Variants in TTC21B observed in about 807,000 individuals in gnomAD.
TTC21B encodes tetratricopeptide repeat domain 21B, also known as tetratricopeptide repeat protein 21B.
A neutral mutation model predicts 175.1 loss-of-function variants in TTC21B; 127 were observed. That is an observed-to-expected ratio of 0.73 (90% CI 0.63 to 0.84). The LOEUF (loss-of-function observed/expected upper bound fraction) is 0.84, where lower values mean the gene tolerates loss of function less well. Ranked by LOEUF, TTC21B falls within the 40% of genes least tolerant of loss-of-function variation. The pLI is 0.00. For missense variants in TTC21B, 1,561 were observed against 1,558.3 expected (o/e 1.00, Z -0.03); for synonymous variants, 524 against 524.5 (o/e 1.00, Z 0.01).
At position 165,937,448 on chromosome 2, in the gene TTC21B, C is replaced by T. The variant is rs76504417; in HGVS notation, c.710+3579G>A. Among the ~76,000 whole-genome samples, 1,482 of 152,094 alleles carry T rather than the reference C, an allele frequency of 9.7e-3. 28 individuals are homozygous for T. Among genetic ancestry groups the T allele is most frequent in the African/African-American group, 0.034 (1,423 of 41,520 alleles). Reference sequence around the variant, plus strand: ...TGTAATATAAATGACGGACTTTGGGCGCCTATAGTGTAAGTTCATCCACTG... The same window carrying T: ...TGTAATATAAATGACGGACTTTGGGTGCCTATAGTGTAAGTTCATCCACTG... On this transcript the variant is annotated intron_variant, in intron 6 of 28. Transcript: ENST00000243344.
chr2:165,913,561 T>C lies in TTC21B; in HGVS notation c.2211+13A>G, dbSNP rs73969727. On this transcript the variant is annotated intron_variant, in intron 16 of 28. Transcript: ENST00000243344. ...TTTTTAAAAATGCAGTTCAGTAACATCAGAAATTTTACCTCTAGAATATTC... is the reference window on the plus strand; with the variant it reads ...TTTTTAAAAATGCAGTTCAGTAACACCAGAAATTTTACCTCTAGAATATTC... 7.1e-3 allele frequency: 11,186 copies of C among 1,585,854 alleles called. 644 individuals are homozygous for C. In the African/African-American group the frequency reaches 0.13, roughly 19 times the overall value.
chr2:165,876,720 A>T (rs1168654911), intron 27 of TTC21B, among the ~76,000 whole-genome samples: 1 of 152,226 alleles, frequency 6.6e-6, no homozygotes, highest in Non-Finnish European at 1.5e-5. Flanking sequence ...ACTGAGATAA[A>T]TGTTATGAAA....
chr2:165,900,006 G>GC, intron 20 of TTC21B, 126 bp from the exon 21 acceptor site: 1 of 70,232 alleles, frequency 1.4e-5, no homozygotes, highest in South Asian at 1.3e-4. Flanking sequence ...AAGTATAATA[G>GC]ACAAAAAAAA....
chr2:165,897,873 G>A lies in TTC21B; in HGVS notation c.2950+813C>T, dbSNP rs143314800. Among the ~76,000 whole-genome samples the A allele has an allele frequency of 2.2e-4, 34 of 152,316 alleles. No homozygotes were observed. The East Asian group carries it at 5.8e-3, about 26-fold the overall frequency. On this transcript the variant is annotated intron_variant, in intron 22 of 28. Coordinates refer to ENST00000243344, the MANE Select transcript of TTC21B (RefSeq NM_024753.5). ...ACAAATGAAGAAAGTCTTTCATTGT[G>A]GAAGGGAATAAACTGTGCCAAATAT...
chr2:165,930,870 A>T (rs1264564492), intron 8 of TTC21B, among the ~76,000 whole-genome samples: 1 of 149,288 alleles, frequency 6.7e-6, no homozygotes, highest in Non-Finnish European at 1.5e-5. Context: ...TTAAAAGCTC[A>T]TGCCTTAGAA....
intron 22 of TTC21B, among the ~76,000 whole-genome samples, chr2:165,891,574 AATTCATTCATTCATTC>A (rs3032516): frequency 1.3e-4 from 20 of 149,424 alleles, no homozygotes; most frequent in Non-Finnish European, 2.7e-4. Context: ...TTCTAAAAAA[AATTCATTCATTCATTC>A]ATTCATTCAT....
At chr2:165,882,599 G>A (rs1031632723) in intron 26 of TTC21B, among the ~76,000 whole-genome samples, 5 of 151,898 alleles carry the variant, frequency 3.3e-5, no homozygotes, top group Non-Finnish European at 7.4e-5. Context: ...GTCTAGTGTC[G>A]TCTTGTACAT....
chr2:165,874,748 A>G lies in TTC21B; in HGVS notation c.*7T>C. On this transcript the variant is annotated 3_prime_UTR_variant, in exon 29 of 29. Coordinates refer to ENST00000243344, the MANE Select transcript of TTC21B (RefSeq NM_024753.5). Reference sequence around the variant, plus strand: ...CTGTTAAACCAACACCTAAGTTAAAATTATTTTCAAGGTCTTAAAGACGCA... The same window carrying G: ...CTGTTAAACCAACACCTAAGTTAAAGTTATTTTCAAGGTCTTAAAGACGCA... The G allele has an allele frequency of 1.2e-6, 2 of 1,612,518 alleles. No homozygotes were observed. Among genetic ancestry groups the G allele is most frequent in the East Asian group, 2.2e-5 (1 of 44,722 alleles).
At position 165,875,304 on chromosome 2, in the gene TTC21B, T is replaced by C. The variant is rs530114386; in HGVS notation, c.3874-472A>G. On this transcript the variant is annotated intron_variant, in intron 28 of 28. Coordinates refer to ENST00000243344, the MANE Select transcript of TTC21B (RefSeq NM_024753.5). ...TTTTTAACTCCAAAAATGATCCTAA[T>C]ATATAGCCTTACATTAACACACAAC... 3.3e-5 allele frequency among the ~76,000 whole-genome samples: 5 copies of C among 151,928 alleles called. No individual in the cohort carries two copies. In the East Asian group the frequency reaches 5.8e-4, roughly 18 times the overall value.
Position 165,918,576 on chromosome 2 carries a change from T to C in TTC21B, c.1674+700A>G, listed in dbSNP as rs373421371. 3.3e-4 allele frequency among the ~76,000 whole-genome samples: 50 copies of C among 152,214 alleles called. 1 individual carries two copies. The highest frequency in any genetic ancestry group is 1.1e-3 in the African/African-American group (47 of 41,544). ...TCCCAAAGTGCTGGGATTACAGGCGTGAGCCACCACGCCCGGCCTTCTGCA... is the reference window on the plus strand; with the variant it reads ...TCCCAAAGTGCTGGGATTACAGGCGCGAGCCACCACGCCCGGCCTTCTGCA... On this transcript the variant is annotated intron_variant, in intron 13 of 28. Coordinates refer to ENST00000243344, the MANE Select transcript of TTC21B (RefSeq NM_024753.5).
At chr2:165,891,332 T>A (rs1183217675) in intron 22 of TTC21B, among the ~76,000 whole-genome samples, 1 of 152,174 alleles carries the variant, frequency 6.6e-6, no homozygotes, top group East Asian at 1.9e-4. Context: ...GAATACCGAT[T>A]TAATTGCACA....
At chr2:165,895,869 A>G (rs1009510169) in intron 22 of TTC21B, among the ~76,000 whole-genome samples, 4 of 152,144 alleles carry the variant, frequency 2.6e-5, no homozygotes, top group African/African-American at 9.7e-5. Flanking sequence ...AAATAAATTT[A>G]ATTTATTTAA....
chr2:165,878,362 G>T (rs1684736218), intron 27 of TTC21B, among the ~76,000 whole-genome samples: 3 of 152,134 alleles, frequency 2.0e-5, no homozygotes, highest in Non-Finnish European at 1.5e-5. Flanking sequence ...GACAGCGAGA[G>T]AATGCAAACA....
At chr2:165,914,497 G>A (rs1474036704) in intron 15 of TTC21B, among the ~76,000 whole-genome samples, 2 of 152,138 alleles carry the variant, frequency 1.3e-5, no homozygotes, top group Non-Finnish European at 2.9e-5. Context: ...AAAAGAATCT[G>A]AGCAGCTTTT....
chr2:165,949,108 T>G, intron 3 of TTC21B: 1 of 388,034 alleles, frequency 2.6e-6, no homozygotes, highest in Non-Finnish European at 4.7e-6. Flanking sequence ...TGGCTGTCCT[T>G]TTTTTGTGTA....
At chr2:165,946,604 G>A (rs372651919) in intron 3 of TTC21B, among the ~76,000 whole-genome samples, 6 of 152,138 alleles carry the variant, frequency 3.9e-5, no homozygotes, top group Admixed American at 6.5e-5. Context: ...TTGGGAGGCC[G>A]AGGTGGGTGG....
chr2:165,904,481 C>T (rs1272321028), intron 19 of TTC21B, among the ~76,000 whole-genome samples: 1 of 152,106 alleles, frequency 6.6e-6, no homozygotes. Flanking sequence ...ATACACACAC[C>T]CCTGTCAGTT....
chr2:165,948,006 A>G (rs933994453), intron 3 of TTC21B: 2 of 152,228 alleles, frequency 1.3e-5, no homozygotes, highest in African/African-American at 4.8e-5. Context: ...TACTAACTAC[A>G]GCTCTCCCAT....
intron 14 of TTC21B, among the ~76,000 whole-genome samples, chr2:165,915,888 T>C (rs1686152523): frequency 6.6e-6 from 1 of 152,252 alleles, no homozygotes; most frequent in African/African-American, 2.4e-5. Flanking sequence ...TCATCTCAAC[T>C]TCAGAGATTA....
Sources: allele counts gnomAD v4.1 joint callset (sites outside exome capture counted in the v4.1 genomes callset), GRCh38; gene constraint gnomAD v4.1.1; transcripts MANE v1.5; gene names NCBI Gene and HGNC (gene_info 2026-07-23, HGNC 2026-07-21).